Variants in C1RL observed in about 807,000 individuals in gnomAD.
C1RL encodes the protein complement C1r subcomponent-like protein.
A neutral mutation model predicts 27.9 loss-of-function variants in C1RL; 27 were observed. That is an observed-to-expected ratio of 0.97 (90% confidence interval 0.71 to 1.33). The LOEUF (loss-of-function observed/expected upper bound fraction) is 1.33. Among genes scored for constraint, C1RL ranks in the 40% most tolerant of loss-of-function variants. The pLI is 0.00. For synonymous variants in C1RL, 248 were observed against 252.1 expected (o/e 0.98, Z 0.15); for missense variants, 563 against 623.9 (o/e 0.90, Z 1.04).
chr12:7,101,598 GTCA>G, intron 3 of C1RL: 1 of 500,290 alleles, frequency 2.0e-6, no homozygotes, highest in South Asian at 3.2e-5. Flanking sequence ...ACAAATCTGA[GTCA>G]TCATTTGAAA....
rs533046059 is a variant in C1RL, at chr12:7,095,007, T to C, written c.*1384A>G. 2.4e-3 allele frequency: 2,710 copies of C among 1,110,000 alleles called. 6 individuals carry two copies. Among genetic ancestry groups the C allele is most frequent in the Non-Finnish European group, 2.8e-3 (2,489 of 901,322 alleles). 68.8% of individuals were successfully genotyped at this position (1,110,000 alleles called of 1,614,324 possible). A position where few individuals can be genotyped will look rare whatever the true frequency, so the allele number is the denominator to read the frequency against. ...ATTTAACCTTTGACCATATAGCAACTTGACTCTTGATGCTAACAAATTACC... is the reference window on the plus strand; with the variant it reads ...ATTTAACCTTTGACCATATAGCAACCTGACTCTTGATGCTAACAAATTACC... On this transcript the variant is annotated 3_prime_UTR_variant, in exon 6 of 6. Coordinates refer to ENST00000266542, the MANE Select transcript of C1RL (RefSeq NM_016546.4).
chr12:7,106,435 A>C (rs1938766713), intron 2 of C1RL, among the ~76,000 whole-genome samples: 1 of 152,224 alleles, frequency 6.6e-6, no homozygotes, highest in Non-Finnish European at 1.5e-5. Context: ...GTAAACCAAA[A>C]AAGAGAAAGG....
chr12:7,096,988 G>A lies in C1RL; in HGVS notation c.867C>T (p.Asp289=). 1 of 1,614,164 alleles carries A rather than the reference G, an allele frequency of 6.2e-7. No homozygotes were observed. Among genetic ancestry groups the A allele is most frequent in the African/African-American group, 1.3e-5 (1 of 75,036 alleles). Residue 289 remains aspartate, a synonymous_variant, in exon 6 of 6, where the codon GAC becomes GAT. Transcript: ENST00000266542. ...LTAAHTIYPK[D]SVSLRKNQSV... The stretch of plus-strand genomic sequence containing the variant: ...TCTGGTTCTTCCTGAGAGAAACACT[G>A]TCCTTGGGGTAGATGGTGTGGGCAG...
chr12:7,104,515 T>C lies in C1RL; in HGVS notation c.301-2428A>G, dbSNP rs1180489388. Among the ~76,000 whole-genome samples, 2 of 152,264 alleles carry C rather than the reference T, an allele frequency of 1.3e-5. No homozygotes were observed. Among genetic ancestry groups the C allele is most frequent in the Admixed American group, 1.3e-4 (2 of 15,292 alleles). ...GTCTTCAGTGGTTTTCTCCAGGTCC[T>C]CTGGTTTCCTCCCACATCCCAAGCT... On this transcript the variant is annotated intron_variant, in intron 2 of 5. Coordinates refer to ENST00000266542, the MANE Select transcript of C1RL (RefSeq NM_016546.4). This position sits in a 1 kb window ranked among gnomAD's most constrained non-coding sequence, Gnocchi z 5.4.
rs376129178 is a variant in C1RL at position 7,096,760 on chromosome 12, G to A, written c.1095C>T (p.Thr365=). Residue 365 remains threonine (T), a synonymous_variant, in exon 6 of 6, where the codon ACC becomes ACT. Coordinates refer to ENST00000266542, the MANE Select transcript of C1RL (RefSeq NM_016546.4). ...AGCCCAACAAGCCGCTGCGGTAGAGGGTCTCATTATCGGGCAGACAGACCG... is the reference window on the plus strand; with the variant it reads ...AGCCCAACAAGCCGCTGCGGTAGAGAGTCTCATTATCGGGCAGACAGACCG... ...VLPVCLPDNE[T]LYRSGLLGYV... 1 of 1,609,372 alleles carries A rather than the reference G, an allele frequency of 6.2e-7. No individual in the cohort carries two copies. The highest frequency in any genetic ancestry group is 1.3e-5 in the African/African-American group (1 of 74,832).
At chr12:7,101,122 C>T (rs889302566) in intron 3 of C1RL, among the ~76,000 whole-genome samples, 5 of 3,674 alleles carry the variant, frequency 1.4e-3, no homozygotes, top group Non-Finnish European at 2.5e-3. Flanking sequence ...TCCCTCCCTC[C>T]CTCCTTCTTC....
Position 7,095,108 on chromosome 12 carries a change from A to G in C1RL, c.*1283T>C. The stretch of plus-strand genomic sequence containing the variant: ...ATTTTATTTGTGTCTTTCACTGTAA[A>G]TCACCTCCAATCTTTTTTTTTTGGG... On this transcript the variant is annotated 3_prime_UTR_variant, in exon 6 of 6. Coordinates refer to ENST00000266542, the MANE Select transcript of C1RL (RefSeq NM_016546.4). 8.1e-7 allele frequency: 1 copy of G among 1,230,628 alleles called. No individual in the cohort carries two copies. The highest frequency in any genetic ancestry group is 1.4e-5 in the South Asian group (1 of 72,532). The allele number at this position is 1,230,628 out of a possible 1,614,324, so 76.2% of individuals were successfully genotyped here.
chr12:7,095,929 A>C lies in C1RL; in HGVS notation c.*462T>G. 2.0e-6 allele frequency: 2 copies of C among 988,684 alleles called. No individual in the cohort carries two copies. The highest frequency in any genetic ancestry group is 2.4e-6 in the Non-Finnish European group (2 of 832,376). 61.2% of individuals were successfully genotyped at this position (988,684 alleles called of 1,614,324 possible). On this transcript the variant is annotated 3_prime_UTR_variant, in exon 6 of 6. Coordinates refer to ENST00000266542, the MANE Select transcript of C1RL (RefSeq NM_016546.4). ...CATCTTGGAGCTGCAGAATAGCTTGAATATTTGAAGGTCAACTAAAGGGTC... is the reference window on the plus strand; with the variant it reads ...CATCTTGGAGCTGCAGAATAGCTTGCATATTTGAAGGTCAACTAAAGGGTC...
chr12:7,101,168 A>C (rs1463171739), intron 3 of C1RL, among the ~76,000 whole-genome samples: 10 of 5,236 alleles, frequency 1.9e-3, no homozygotes, highest in Admixed American at 2.3e-3. Flanking sequence ...TTCCCTTCTT[A>C]CTTTCCCTCT....
At chr12:7,102,138 C>T (rs368728817) in intron 2 of C1RL, 51 bp from the exon 3 acceptor site, 40 of 1,546,998 alleles carry the variant, frequency 2.6e-5, no homozygotes, top group Middle Eastern at 1.8e-4. Flanking sequence ...GGTGAATCCG[C>T]GCTGCTGGCA....
Position 7,109,098 on chromosome 12 carries a change from G to C in C1RL, c.71+12C>G, listed in dbSNP as rs1468564348. 1 of 1,583,340 alleles carries C rather than the reference G, an allele frequency of 6.3e-7. No individual in the cohort carries two copies. The highest frequency in any genetic ancestry group is 1.1e-5 in the South Asian group (1 of 87,090). ...GTCCTCTTCCCTCCTCCTCTGCCGG[G>C]GCCACACTCACATTGCGCCTGGACA... On this transcript the variant is annotated intron_variant, in intron 1 of 5. Transcript: ENST00000266542.
At chr12:7,099,581 T>C in intron 5 of C1RL, 105 bp downstream of exon 5, 1 of 1,479,138 alleles carries the variant, frequency 6.8e-7, no homozygotes, top group Non-Finnish European at 9.1e-7. Flanking sequence ...TTCTGCTTCT[T>C]ATCTTCCTTT....
rs746609919 is a variant in C1RL at position 7,104,453 on chromosome 12, G to C, written c.301-2366C>G. 3.9e-5 allele frequency among the ~76,000 whole-genome samples: 6 copies of C among 152,188 alleles called. No individual in the cohort carries two copies. The highest frequency in any genetic ancestry group is 6.5e-5 in the Admixed American group (1 of 15,284). ...AGAAAAAATATTGCCCCGTGTCCGG[G>C]GCCACTCTCTGGGTGAAGTCTGCAC... On this transcript the variant is annotated intron_variant, in intron 2 of 5. Coordinates refer to ENST00000266542, the MANE Select transcript of C1RL (RefSeq NM_016546.4). This position sits in a 1 kb window ranked among gnomAD's most constrained non-coding sequence, Gnocchi z 5.4.
chr12:7,100,832 G>A (rs1323713387), intron 3 of C1RL, among the ~76,000 whole-genome samples: 3 of 151,962 alleles, frequency 2.0e-5, no homozygotes, highest in African/African-American at 7.2e-5. Context: ...ATGAGTTAGT[G>A]CTGTCCATAT....
At chr12:7,101,399 G>T (rs1938622714) in intron 3 of C1RL, among the ~76,000 whole-genome samples, 1 of 151,450 alleles carries the variant, frequency 6.6e-6, no homozygotes, top group South Asian at 2.1e-4. Flanking sequence ...TCCCTGAGTA[G>T]CTGGTACTAC....
At position 7,108,258 on chromosome 12, in the gene C1RL, G is replaced by A; in HGVS notation, c.293C>T (p.Ser98Phe). 1 of 1,603,660 alleles carries A rather than the reference G, an allele frequency of 6.2e-7. No individual in the cohort carries two copies. The highest frequency in any genetic ancestry group is 8.5e-7 in the Non-Finnish European group (1 of 1,173,680). The change falls in exon 2 of 6, where the codon TCT becomes TTT. Residue 98 changes from serine to phenylalanine, a missense_variant. Coordinates refer to ENST00000266542, the MANE Select transcript of C1RL (RefSeq NM_016546.4). The part of the protein sequence containing the change: ...LEPSQDCAGD[S>F]VTISFVGSDP... ...CCCCCATCCCCAGCTCACTGTGACA[G>A]AGTCCCCTGCACAGTCCTGGGACGG... is the stretch of plus-strand genomic sequence containing the variant.
intron 2 of C1RL, among the ~76,000 whole-genome samples, chr12:7,107,751 G>A (rs1010076711): frequency 5.9e-5 from 9 of 152,160 alleles, no homozygotes; most frequent in African/African-American, 1.9e-4. Flanking sequence ...CTGCAAGCTT[G>A]CATCACTCCA....
Position 7,096,310 on chromosome 12 carries a change from C to G in C1RL, c.*81G>C. 1 of 1,381,964 alleles carries G rather than the reference C, an allele frequency of 7.2e-7. No individual in the cohort carries two copies. The highest frequency in any genetic ancestry group is 9.4e-7 in the Non-Finnish European group (1 of 1,068,602). The allele number at this position is 1,381,964 out of a possible 1,614,324, so 85.6% of individuals were successfully genotyped here. A position where few individuals can be genotyped will look rare whatever the true frequency, so the allele number is the denominator to read the frequency against. ...CAACCCCCCACCCCCAACCCCTACCCCAGTGTTCAGTCCTCACTCCAGGCC... is the reference window on the plus strand; with the variant it reads ...CAACCCCCCACCCCCAACCCCTACCGCAGTGTTCAGTCCTCACTCCAGGCC... On this transcript the variant is annotated 3_prime_UTR_variant, in exon 6 of 6. Transcript: ENST00000266542.
rs1220278566 is a variant in C1RL, at chr12:7,096,888, C to T, written c.967G>A (p.Val323Ile). The change falls in exon 6 of 6, where the codon GTT becomes ATT. Residue 323 changes from valine (V) to isoleucine (I), a missense_variant. Coordinates refer to ENST00000266542, the MANE Select transcript of C1RL (RefSeq NM_016546.4). Reference sequence around the variant, plus strand: ...TTCTGACGGTAGTCGGGGTGCACAACGACACGGTGGACAGGGTGGTTCCCC... The same window carrying T: ...TTCTGACGGTAGTCGGGGTGCACAATGACACGGTGGACAGGGTGGTTCCCC... Reference protein sequence around the residue: ...KLGNHPVHRVVVHPDYRQNES... With the variant: ...KLGNHPVHRVIVHPDYRQNES... 3.8e-6 allele frequency: 6 copies of T among 1,599,144 alleles called. No individual in the cohort carries two copies. Among genetic ancestry groups the T allele is most frequent in the Middle Eastern group, 1.7e-4 (1 of 5,990 alleles).
Sources: allele counts gnomAD v4.1 joint callset (sites outside exome capture counted in the v4.1 genomes callset), GRCh38; gene constraint gnomAD v4.1.1; non-coding constraint Gnocchi (gnomAD v3.1); transcripts MANE v1.5; gene names NCBI Gene and HGNC (gene_info 2026-07-23, HGNC 2026-07-21).